S100A8: variants seen among roughly 807,000 people sequenced by gnomAD.
S100A8 encodes the protein S100 calcium binding protein A8, also known as protein S100-A8.
A neutral mutation model predicts 4.2 loss-of-function variants in S100A8; 1 was observed. The ratio of observed to expected loss-of-function variants is 0.24; its 90% CI spans 0.08 to 1.12. S100A8 has a LOEUF of 1.12. Ranked by LOEUF, S100A8 falls within the 50% of genes most tolerant of loss-of-function variation. The pLI is 0.53. For synonymous variants in S100A8, 41 were observed against 44.7 expected, an observed-to-expected ratio of 0.92 and a Z score of 0.33; for missense variants, 96 against 111.8, an observed-to-expected ratio of 0.86 and a Z score of 0.64.
At chr1:153,398,179 T>C in the S100A8 span, among the ~76,000 whole-genome samples, 7 of 152,040 alleles carry the variant, frequency 4.6e-5, no homozygotes, top group Non-Finnish European at 1.0e-4. Context: ...AGGGCATGGA[T>C]AGACAGCAGC....
At chr1:153,404,583 T>C in the S100A8 span, among the ~76,000 whole-genome samples, 2 of 152,192 alleles carry the variant, frequency 1.3e-5, no homozygotes, top group Non-Finnish European at 2.9e-5. Context: ...ATCACAGGGA[T>C]TCCATGTGTA....
chr1:153,402,728 G>A, the S100A8 span, among the ~76,000 whole-genome samples: 1 of 152,196 alleles, frequency 6.6e-6, no homozygotes, highest in Non-Finnish European at 1.5e-5. Flanking sequence ...TGCAATCCCA[G>A]TCCCAAAGTC....
At position 153,390,730 on chromosome 1, in the gene S100A8, C is replaced by T. The variant is rs1185579236; in HGVS notation, c.-22-173G>A. On this transcript the variant is annotated intron_variant, in intron 1 of 2. Coordinates refer to ENST00000368733, the MANE Select transcript of S100A8 (RefSeq NM_002964.5). ...TGGGAAGGGTGGGATGATAGGGATA[C>T]ACGTGTGGGAAGGGGAAGGGTCCAT... is the stretch of plus-strand genomic sequence containing the variant. 20 of 791,810 alleles carry T rather than the reference C, an allele frequency of 2.5e-5. No individual in the cohort carries two copies. In the Admixed American group the frequency reaches 5.1e-4, roughly 20 times the overall value. The allele number at this position is 791,810 out of a possible 1,614,324, so 49.0% of individuals were successfully genotyped here.
chr1:153,412,970 A>C, the S100A8 span, among the ~76,000 whole-genome samples: 5 of 152,142 alleles, frequency 3.3e-5, no homozygotes, highest in African/African-American at 1.2e-4. Flanking sequence ...AACATCACAC[A>C]TCAGGGCCTG....
chr1:153,419,468 T>C, the S100A8 span: 1 of 804,198 alleles, frequency 1.2e-6, no homozygotes, highest in Non-Finnish European at 2.0e-6. Context: ...CCCCATCCAG[T>C]GGGTCACCCA....
the S100A8 span, among the ~76,000 whole-genome samples, chr1:153,411,921 C>A: frequency 6.6e-6 from 1 of 152,166 alleles, no homozygotes; most frequent in African/African-American, 2.4e-5. Context: ...GGAAAACTGG[C>A]TAACCCATAT....
chr1:153,419,669 G>T, the S100A8 span: 1 of 259,544 alleles, frequency 3.9e-6, no homozygotes, highest in Non-Finnish European at 7.4e-6. Flanking sequence ...ATGGACCAGG[G>T]TCATTCAGAC....
chr1:153,416,744 G>A, the S100A8 span, among the ~76,000 whole-genome samples: 5 of 152,348 alleles, frequency 3.3e-5, no homozygotes, highest in Admixed American at 2.0e-4. Context: ...TGTACAACCA[G>A]GTGGCTGAAC....
chr1:153,409,849 G>A, the S100A8 span, among the ~76,000 whole-genome samples: 3 of 152,150 alleles, frequency 2.0e-5, no homozygotes, highest in African/African-American at 7.2e-5. Flanking sequence ...TCAACTACAT[G>A]GAAACTGAAC....
At chr1:153,400,140 G>A in the S100A8 span, among the ~76,000 whole-genome samples, 1 of 152,164 alleles carries the variant, frequency 6.6e-6, no homozygotes, top group Non-Finnish European at 1.5e-5. Flanking sequence ...CACTACCCAT[G>A]GCCAGGGCAA....
chr1:153,403,046 T>C, the S100A8 span, among the ~76,000 whole-genome samples: 1 of 152,208 alleles, frequency 6.6e-6, no homozygotes, highest in African/African-American at 2.4e-5. Flanking sequence ...AACTGGATGC[T>C]CATGCTCATG....
At chr1:153,403,608 C>T in the S100A8 span, among the ~76,000 whole-genome samples, 1 of 152,068 alleles carries the variant, frequency 6.6e-6, no homozygotes, top group African/African-American at 2.4e-5. Flanking sequence ...TGGGCCACGG[C>T]CCTGCCCTTT....
the S100A8 span, chr1:153,416,393 G>A: frequency 1.2e-3 from 294 of 249,008 alleles, 2 homozygotes; most frequent in African/African-American, 6.4e-3. Flanking sequence ...CAGCCTCCTG[G>A]GTGTGTCCCA....
chr1:153,404,567 C>T, the S100A8 span, among the ~76,000 whole-genome samples: 1 of 152,158 alleles, frequency 6.6e-6, no homozygotes, highest in African/African-American at 2.4e-5. Context: ...ATGTCCATTT[C>T]GTATCATCAC....
chr1:153,398,772 G>C, the S100A8 span, among the ~76,000 whole-genome samples: 1 of 152,174 alleles, frequency 6.6e-6, no homozygotes, highest in Non-Finnish European at 1.5e-5. Flanking sequence ...GTGGGCCATA[G>C]AAAGCAAGCA....
chr1:153,407,637 A>G, the S100A8 span, among the ~76,000 whole-genome samples: 1 of 152,118 alleles, frequency 6.6e-6, no homozygotes, highest in African/African-American at 2.4e-5. Context: ...CCAAGCACGG[A>G]GTTTGAGATC....
chr1:153,391,830 G>C (rs1393420150), upstream of S100A8, among the ~76,000 whole-genome samples: 2 of 152,122 alleles, frequency 1.3e-5, no homozygotes, highest in Non-Finnish European at 2.9e-5. Flanking sequence ...ACCCTCTCTT[G>C]GTTAATTATT....
At chr1:153,420,508 T>A in the S100A8 span, 1 of 152,346 alleles carries the variant, frequency 6.6e-6, no homozygotes, top group East Asian at 1.9e-4. Context: ...AAAAATTCTC[T>A]TTCCATCCTA....
At chr1:153,390,719 T>C in intron 1 of S100A8, 162 bp from the exon 2 acceptor site, 1 of 859,224 alleles carries the variant, frequency 1.2e-6, no homozygotes. Flanking sequence ...AAGGGTGGGA[T>C]GATAGGGATA....
Sources: gnomAD v4.1 joint callset for allele counts (sites outside exome capture counted in the v4.1 genomes callset) on GRCh38, gnomAD v4.1.1 for gene constraint, MANE v1.5 for transcripts, NCBI Gene and HGNC (gene_info 2026-07-23, HGNC 2026-07-21) for gene names.